The following PRKN variants were observed in gnomAD, a reference collection of about 807,000 sequenced individuals.
PRKN encodes E3 ubiquitin-protein ligase parkin.
PRKN carries 56 observed loss-of-function variants against 59.5 expected under a neutral mutation model. That is an observed-to-expected ratio of 0.94 (90% CI 0.76 to 1.18). The LOEUF (loss-of-function observed/expected upper bound fraction) is 1.18. Ranked by LOEUF, PRKN falls within the 50% of genes most tolerant of loss-of-function variation. PRKN has a pLI of 0.00. For missense variants in PRKN, 657 were observed against 596.4 expected, an observed-to-expected ratio of 1.10 and a Z score of -1.06; for synonymous variants, 250 against 222.1, an observed-to-expected ratio of 1.13 and a Z score of -1.12.
chr6:162,372,090 CTCCTGAAGGACATACTGGTT>C (rs1273655453), intron 2 of PRKN, among the ~76,000 whole-genome samples: 1 of 152,214 alleles, frequency 6.6e-6, no homozygotes, highest in Non-Finnish European at 1.5e-5. Context: ...TTCTGGCCTC[CTCCTGAAGGACATACTGGTT>C]TCCTTAATTT....
chr6:161,567,229 G>A (rs1335701465), intron 8 of PRKN, among the ~76,000 whole-genome samples: 4 of 151,966 alleles, frequency 2.6e-5, no homozygotes, highest in African/African-American at 9.7e-5. Context: ...TAGTAGAGAT[G>A]TGGTTTCACT....
chr6:162,523,301 T>G (rs922577950), intron 1 of PRKN, among the ~76,000 whole-genome samples: 4 of 152,122 alleles, frequency 2.6e-5, no homozygotes, highest in African/African-American at 9.7e-5. Flanking sequence ...AGATATTAGA[T>G]GTGACGAGCT....
chr6:161,611,697 G>A (rs886516851), intron 7 of PRKN, among the ~76,000 whole-genome samples: 5 of 152,128 alleles, frequency 3.3e-5, no homozygotes, highest in Non-Finnish European at 7.3e-5. Flanking sequence ...AACAATTTAA[G>A]TTAGGCCAAT....
intron 4 of PRKN, among the ~76,000 whole-genome samples, chr6:162,119,636 C>A (rs10223563): frequency 0.063 from 9,606 of 152,130 alleles, 438 homozygotes; most frequent in African/African-American, 0.13. Context: ...TTTTTCCCCT[C>A]CTCTGGCTTC....
chr6:162,252,974 A>T (rs75636042), intron 3 of PRKN, among the ~76,000 whole-genome samples: 8,966 of 152,292 alleles, frequency 0.059, 407 homozygotes, highest in African/African-American at 0.11. Flanking sequence ...AGGTACTGCA[A>T]CAGCCCAGAG....
chr6:162,068,229 G>A (rs112086370), intron 4 of PRKN, among the ~76,000 whole-genome samples: 29 of 151,298 alleles, frequency 1.9e-4, no homozygotes, highest in African/African-American at 5.8e-4. Flanking sequence ...CCTGAGTTTT[G>A]TAGGTGTTTT....
chr6:161,779,457 T>TTTTTTTTTTTTTTG, intron 7 of PRKN, among the ~76,000 whole-genome samples: 1 of 120,630 alleles, frequency 8.3e-6, no homozygotes, highest in Non-Finnish European at 1.7e-5. Flanking sequence ...TTTTTTTTTT[T>TTTTTTTTTTTTTTG]TTTTTGAGAT....
At chr6:161,945,860 C>A (rs1723980330) in intron 6 of PRKN, among the ~76,000 whole-genome samples, 1 of 152,320 alleles carries the variant, frequency 6.6e-6, no homozygotes, top group Admixed American at 6.5e-5. Flanking sequence ...GATTTTAAAG[C>A]TCCCGAAATG....
chr6:162,414,723 A>AT (rs1788534040), intron 2 of PRKN, among the ~76,000 whole-genome samples: 1 of 108,972 alleles, frequency 9.2e-6, no homozygotes, highest in African/African-American at 4.4e-5. Context: ...AAAAAAAAAA[A>AT]AAAAGTGAAT....
chr6:162,090,059 T>A (rs1005276065), intron 4 of PRKN, among the ~76,000 whole-genome samples: 1 of 152,176 alleles, frequency 6.6e-6, no homozygotes, highest in African/African-American at 2.4e-5. Context: ...GTCAATCAAC[T>A]GTTATTTTTT....
chr6:162,636,376 A>C (rs993710564), intron 1 of PRKN, among the ~76,000 whole-genome samples: 2 of 152,318 alleles, frequency 1.3e-5, no homozygotes, highest in Admixed American at 6.5e-5. Flanking sequence ...CCTGTGGAGC[A>C]ATGTGGGGGA....
rs1048454222 is a variant in PRKN, at chr6:161,518,610, G to A, written c.1083+30244C>T. Among the ~76,000 whole-genome samples, 6 of 152,154 alleles carry A rather than the reference G, an allele frequency of 3.9e-5. No individual in the cohort carries two copies. Among genetic ancestry groups the A allele is most frequent in the Non-Finnish European group, 5.9e-5 (4 of 68,026 alleles). On this transcript the variant is annotated intron_variant, in intron 9 of 11. Transcript: ENST00000366898. This position sits in a 1 kb window ranked among gnomAD's most constrained non-coding sequence, Gnocchi z 5.0. ...ATTATTGGTTCAATGTTAATGCCACGGCCTCCCCCTAGCAGCACAAGCCCA... is the reference window on the plus strand; with the variant it reads ...ATTATTGGTTCAATGTTAATGCCACAGCCTCCCCCTAGCAGCACAAGCCCA...
intron 1 of PRKN, among the ~76,000 whole-genome samples, chr6:162,460,836 A>C (rs1470436499): frequency 1.3e-5 from 2 of 152,192 alleles, no homozygotes; most frequent in African/African-American, 4.8e-5. Flanking sequence ...CTGTACCTAG[A>C]AGTGCTTTAA....
At chr6:161,628,739 T>G (rs558198748) in intron 7 of PRKN, among the ~76,000 whole-genome samples, 1 of 152,270 alleles carries the variant, frequency 6.6e-6, no homozygotes, top group East Asian at 1.9e-4. Context: ...CCGTTCATTG[T>G]TAATTAATGC....
chr6:162,523,877 A>G (rs1778172332), intron 1 of PRKN, among the ~76,000 whole-genome samples: 1 of 146,120 alleles, frequency 6.8e-6, no homozygotes, highest in Non-Finnish European at 1.5e-5. Context: ...TTAAAAAACA[A>G]AAAATTATGA....
chr6:161,801,711 C>A (rs889127343), intron 6 of PRKN, among the ~76,000 whole-genome samples: 1 of 152,138 alleles, frequency 6.6e-6, no homozygotes, highest in Non-Finnish European at 1.5e-5. Context: ...TCACTGGAAG[C>A]TCTTTCTTCC....
intron 4 of PRKN, among the ~76,000 whole-genome samples, chr6:162,087,679 C>T (rs1379227580): frequency 3.3e-5 from 5 of 149,638 alleles, no homozygotes; most frequent in Admixed American, 6.7e-5. Flanking sequence ...CTGCAAGCTC[C>T]GCTTCCCAGG....
At chr6:162,321,954 G>A (rs1384928677) in intron 2 of PRKN, among the ~76,000 whole-genome samples, 1 of 151,914 alleles carries the variant, frequency 6.6e-6, no homozygotes, top group Middle Eastern at 3.2e-3. Context: ...TTAATGTTAA[G>A]TCTTACAACT....
At chr6:162,386,496 A>G (rs1786818873) in intron 2 of PRKN, among the ~76,000 whole-genome samples, 2 of 152,218 alleles carry the variant, frequency 1.3e-5, no homozygotes, top group Admixed American at 1.3e-4. Flanking sequence ...CGTACTTGTC[A>G]GAGGTGGGTT....
Sources: gnomAD v4.1 joint callset for allele counts (sites outside exome capture counted in the v4.1 genomes callset) on GRCh38, gnomAD v4.1.1 for gene constraint, Gnocchi (gnomAD v3.1) non-coding constraint, MANE v1.5 for transcripts, NCBI Gene and HGNC (gene_info 2026-07-23, HGNC 2026-07-21) for gene names.